The following TENM4 variants were observed in gnomAD, a reference collection of about 807,000 sequenced individuals.
TENM4 encodes teneurin-4.
In TENM4, 82 loss-of-function variants were observed where a neutral mutation model predicts 243.3. The ratio of observed to expected loss-of-function variants is 0.34; its 90% CI spans 0.28 to 0.40. TENM4 has a LOEUF of 0.40. Among genes scored for constraint, TENM4 ranks in the 10% least tolerant of loss-of-function variants. TENM4 has a pLI of 1.00. For missense variants in TENM4, 3,138 were observed against 3,673.3 expected (o/e 0.85, Z 3.77); for synonymous variants, 1,412 against 1,456.3 (o/e 0.97, Z 0.69).
At chr11:78,730,706 G>T (rs1288683610) in intron 21 of TENM4, among the ~76,000 whole-genome samples, 1 of 152,230 alleles carries the variant, frequency 6.6e-6, no homozygotes, top group Non-Finnish European at 1.5e-5. Context: ...TGAGGCTATT[G>T]TATCTATTCA....
chr11:78,694,955 C>T (rs1362179501), intron 28 of TENM4, among the ~76,000 whole-genome samples: 2 of 152,184 alleles, frequency 1.3e-5, no homozygotes, highest in Admixed American at 6.5e-5. Context: ...CTTCAACTTT[C>T]CCACCTTGCT....
intron 4 of TENM4, among the ~76,000 whole-genome samples, chr11:79,130,096 C>G (rs1861970262): frequency 6.6e-6 from 1 of 152,142 alleles, no homozygotes; most frequent in African/African-American, 2.4e-5. Context: ...CAGCCTGGAG[C>G]TGGGTAGACT....
chr11:78,985,525 T>C (rs1449669844), intron 6 of TENM4, among the ~76,000 whole-genome samples: 1 of 152,224 alleles, frequency 6.6e-6, no homozygotes, highest in East Asian at 1.9e-4. Context: ...TAACTATTAC[T>C]GAGTTTGAGC....
intron 11 of TENM4, among the ~76,000 whole-genome samples, chr11:78,855,682 T>C (rs1423825980): frequency 6.6e-6 from 1 of 152,196 alleles, no homozygotes; most frequent in Non-Finnish European, 1.5e-5. Flanking sequence ...GCATGCTTTT[T>C]TCTCTAGATC....
At chr11:79,207,132 G>A (rs1157189390) in intron 3 of TENM4, among the ~76,000 whole-genome samples, 1 of 152,140 alleles carries the variant, frequency 6.6e-6, no homozygotes, top group African/African-American at 2.4e-5. Flanking sequence ...CTGTGGGGTC[G>A]GGGCAGGCTG....
chr11:78,779,076 C>T lies in TENM4; in HGVS notation c.2366-448G>A, dbSNP rs116686739. ...AACAAGAACAAGTGGTACCCCATCT[C>T]GGCAGAGGCCTTTCCAAGAAGTTGG... On this transcript the variant is annotated intron_variant, in intron 16 of 33. Coordinates refer to ENST00000278550, the MANE Select transcript of TENM4 (RefSeq NM_001098816.3). Among the ~76,000 whole-genome samples, 437 of 152,320 alleles carry T rather than the reference C, an allele frequency of 2.9e-3. 4 individuals carry two copies. The highest frequency in any genetic ancestry group is 9.3e-3 in the African/African-American group (385 of 41,574).
intron 16 of TENM4, among the ~76,000 whole-genome samples, chr11:78,783,477 G>A (rs190347215): frequency 6.6e-6 from 1 of 152,138 alleles, no homozygotes; most frequent in Non-Finnish European, 1.5e-5. Context: ...GGGCTGATGG[G>A]TGTGCAGTTC....
intron 4 of TENM4, among the ~76,000 whole-genome samples, chr11:79,119,424 A>AG (rs929662342): frequency 7.2e-5 from 11 of 151,968 alleles, no homozygotes; most frequent in African/African-American, 2.7e-4. Context: ...TACCCACTTC[A>AG]GGTCATTGAT....
chr11:78,699,294 C>A lies in TENM4; in HGVS notation c.5087+2232G>T, dbSNP rs531338748. Among the ~76,000 whole-genome samples the A allele has an allele frequency of 9.2e-5, 14 of 152,306 alleles. No individual in the cohort carries two copies. In the South Asian group the frequency reaches 1.0e-3, roughly 11 times the overall value. ...TCATCCCTATCGTACAGATAAGTCA[C>A]AAAGAATGTAGGTGACCCTAGCCAG... On this transcript the variant is annotated intron_variant, in intron 28 of 33. Coordinates refer to ENST00000278550, the MANE Select transcript of TENM4 (RefSeq NM_001098816.3).
At chr11:78,739,652 G>A (rs1342517274) in intron 19 of TENM4, among the ~76,000 whole-genome samples, 6 of 152,024 alleles carry the variant, frequency 3.9e-5, no homozygotes, top group Non-Finnish European at 7.3e-5. Flanking sequence ...AAACAGAAAC[G>A]TTAGGGTAGA....
chr11:78,693,597 C>T (rs1167315652), intron 28 of TENM4, among the ~76,000 whole-genome samples: 1 of 152,176 alleles, frequency 6.6e-6, no homozygotes, highest in Non-Finnish European at 1.5e-5. Context: ...CGATGCCAAG[C>T]CCCCAGTTGG....
intron 6 of TENM4, among the ~76,000 whole-genome samples, chr11:78,927,353 T>A (rs1479187971): frequency 6.6e-6 from 1 of 152,224 alleles, no homozygotes; most frequent in Non-Finnish European, 1.5e-5. Context: ...CAGACAAAAT[T>A]TGTAAGGAAA....
At chr11:78,956,819 T>C (rs894764992) in intron 6 of TENM4, among the ~76,000 whole-genome samples, 15 of 152,212 alleles carry the variant, frequency 9.9e-5, no homozygotes, top group Non-Finnish European at 1.6e-4. Flanking sequence ...TGAGTATAAG[T>C]ATTCATGTTT....
At chr11:79,437,793 G>C (rs1030913105) in intron 1 of TENM4, among the ~76,000 whole-genome samples, 2 of 152,298 alleles carry the variant, frequency 1.3e-5, no homozygotes, top group East Asian at 1.9e-4. Flanking sequence ...CGCCCTGCCC[G>C]GGGAGCTAAC....
intron 7 of TENM4, among the ~76,000 whole-genome samples, chr11:78,898,131 G>C (rs1168486063): frequency 6.6e-6 from 1 of 152,208 alleles, no homozygotes; most frequent in Non-Finnish European, 1.5e-5. Flanking sequence ...TGCACCTATA[G>C]AAGCTTAAAG....
chr11:79,158,468 C>T (rs935553474), intron 3 of TENM4, among the ~76,000 whole-genome samples: 1 of 152,136 alleles, frequency 6.6e-6, no homozygotes, highest in Non-Finnish European at 1.5e-5. Context: ...AGGTCCTTAC[C>T]TGTAAATCAG....
chr11:78,815,065 A>G (rs1350163430), intron 12 of TENM4, among the ~76,000 whole-genome samples: 2 of 152,226 alleles, frequency 1.3e-5, no homozygotes, highest in Non-Finnish European at 2.9e-5. Flanking sequence ...AGATGAAAAA[A>G]ATCCAAGTCC....
At chr11:78,964,083 G>A (rs140766156) in intron 6 of TENM4, among the ~76,000 whole-genome samples, 28 of 120,968 alleles carry the variant, frequency 2.3e-4, no homozygotes, top group East Asian at 1.2e-3. Context: ...TTGCTCTGTC[G>A]CCAGGCTGGA....
chr11:78,818,961 TAAA>T (rs11289313), intron 12 of TENM4, among the ~76,000 whole-genome samples: 5 of 143,816 alleles, frequency 3.5e-5, no homozygotes, highest in Non-Finnish European at 6.1e-5. Context: ...TGGGTCCTGG[TAAA>T]AAAAAAAAAA....
Sources: allele counts gnomAD v4.1 joint callset (sites outside exome capture counted in the v4.1 genomes callset), GRCh38; gene constraint gnomAD v4.1.1; transcripts MANE v1.5; gene names NCBI Gene and HGNC (gene_info 2026-07-23, HGNC 2026-07-21).